The following ATXN7L1 variants were observed in gnomAD, a reference collection of about 807,000 sequenced individuals.
ATXN7L1 encodes the protein ataxin 7 like 1.
Under a neutral mutation model 70.8 loss-of-function variants are expected in ATXN7L1, and 15 were observed. That is an observed-to-expected ratio of 0.21 (90% CI 0.14 to 0.33). ATXN7L1 has a LOEUF of 0.33. ATXN7L1 is among the 10% of genes least tolerant of loss of function. The pLI, the probability that ATXN7L1 is intolerant of heterozygous loss-of-function variation, is 1.00. For synonymous variants in ATXN7L1, 440 were observed against 445.1 expected (o/e 0.99, Z 0.14); for missense variants, 975 against 1,097.1 (o/e 0.89, Z 1.57).
At chr7:105,661,569 G>A (rs1801614873) in intron 4 of ATXN7L1, among the ~76,000 whole-genome samples, 1 of 152,128 alleles carries the variant, frequency 6.6e-6, no homozygotes, top group Non-Finnish European at 1.5e-5. Flanking sequence ...TTAGAGGCAG[G>A]GCCCAGACTT....
chr7:105,774,793 T>G (rs772014139), intron 3 of ATXN7L1, among the ~76,000 whole-genome samples: 2 of 152,102 alleles, frequency 1.3e-5, no homozygotes, highest in African/African-American at 2.4e-5. Flanking sequence ...AGGCAGCCAC[T>G]TATAAAGATG....
At chr7:105,810,578 A>G (rs974971810) in intron 2 of ATXN7L1, among the ~76,000 whole-genome samples, 52 of 152,340 alleles carry the variant, frequency 3.4e-4, no homozygotes, top group African/African-American at 1.2e-3. Flanking sequence ...GTGAGGCTGG[A>G]GCACATCTAG....
In ATXN7L1 at chr7:105,766,691, G is replaced by A. The variant is rs145451282; in HGVS notation, c.355+21913C>T. Among the ~76,000 whole-genome samples the A allele has an allele frequency of 1.9e-3, 284 of 152,322 alleles. 2 individuals carry two copies. The highest frequency in any genetic ancestry group is 6.6e-3 in the African/African-American group (276 of 41,570). On this transcript the variant is annotated intron_variant, in intron 3 of 11. Transcript: ENST00000419735. ...TGACGGCTCCAAGGGAAACCGCTGG[G>A]ATTAGACGATCCTGTGTTTGGACAC...
chr7:105,614,456 G>T lies in ATXN7L1; in HGVS notation c.1878C>A (p.Ser626=). The T allele has an allele frequency of 6.5e-7, 1 of 1,540,578 alleles. No individual in the cohort carries two copies. The highest frequency in any genetic ancestry group is 8.8e-7 in the Non-Finnish European group (1 of 1,140,672). Reference sequence around the variant, plus strand: ...GGGTGGACAGGTCTTTGACTTTTGAGGATTTGCTGGTTTTGGTTTTGGATG... The same window carrying T: ...GGGTGGACAGGTCTTTGACTTTTGATGATTTGCTGGTTTTGGTTTTGGATG... ...HKPSKTKTSK[S]SKVKDLSTRS... is the part of the protein sequence containing the mutation. The change falls in exon 10 of 12, where the codon TCC becomes TCA. Residue 626 remains serine, a synonymous_variant. Coordinates refer to ENST00000419735, the MANE Select transcript of ATXN7L1 (RefSeq NM_020725.2). This position sits in a 1 kb window ranked among gnomAD's most constrained non-coding sequence, Gnocchi z 4.3.
intron 2 of ATXN7L1, among the ~76,000 whole-genome samples, chr7:105,834,949 C>G (rs1360310238): frequency 6.6e-6 from 1 of 151,794 alleles, no homozygotes; most frequent in Admixed American, 6.6e-5. Flanking sequence ...CAGTTTTTCC[C>G]AGGGCTAAAA....
chr7:105,794,436 C>T (rs901994479), intron 2 of ATXN7L1, among the ~76,000 whole-genome samples: 9 of 152,308 alleles, frequency 5.9e-5, no homozygotes, highest in Non-Finnish European at 1.2e-4. Context: ...CGATGGAAAT[C>T]GGCATCCACT....
chr7:105,692,956 G>A (rs758404538), intron 3 of ATXN7L1, among the ~76,000 whole-genome samples: 22 of 151,734 alleles, frequency 1.4e-4, no homozygotes, highest in Admixed American at 7.9e-4. Context: ...GGCCTCAAGC[G>A]ATCCTCCTGC....
At chr7:105,786,933 C>T (rs144554441) in intron 3 of ATXN7L1, among the ~76,000 whole-genome samples, 25 of 152,300 alleles carry the variant, frequency 1.6e-4, no homozygotes, top group African/African-American at 4.1e-4. Flanking sequence ...GTAGCCTCTG[C>T]GTTCTCACAA....
intron 3 of ATXN7L1, among the ~76,000 whole-genome samples, chr7:105,734,637 T>G (rs1019216505): frequency 7.5e-5 from 9 of 120,624 alleles, no homozygotes; most frequent in African/African-American, 2.6e-4. Flanking sequence ...TCCTTTCATG[T>G]TTTTTTTTTT....
intron 3 of ATXN7L1, among the ~76,000 whole-genome samples, chr7:105,730,397 T>A (rs571255373): frequency 6.0e-5 from 9 of 148,954 alleles, no homozygotes; most frequent in African/African-American, 2.0e-4. Context: ...CAAGTTTATT[T>A]AAAAAAAAAA....
At chr7:105,871,710 C>CAA (rs11350779) in intron 2 of ATXN7L1, among the ~76,000 whole-genome samples, 166 of 127,506 alleles carry the variant, frequency 1.3e-3, no homozygotes, top group African/African-American at 3.1e-3. Flanking sequence ...GATTCTGTCT[C>CAA]AAAAAAAAAA....
intron 3 of ATXN7L1, among the ~76,000 whole-genome samples, chr7:105,721,479 C>T (rs965733716): frequency 2.0e-5 from 3 of 152,192 alleles, no homozygotes; most frequent in African/African-American, 7.2e-5. Context: ...TCTGCGCAGG[C>T]CAGCTGGGGC....
intron 2 of ATXN7L1, among the ~76,000 whole-genome samples, chr7:105,796,888 T>C (rs1806070339): frequency 6.6e-6 from 1 of 152,146 alleles, no homozygotes; most frequent in Non-Finnish European, 1.5e-5. Flanking sequence ...CAAGTTGGTG[T>C]CTGAAAATGA....
At chr7:105,867,751 C>CTT in intron 2 of ATXN7L1, among the ~76,000 whole-genome samples, 1 of 152,328 alleles carries the variant, frequency 6.6e-6, no homozygotes, top group South Asian at 2.1e-4. Context: ...GTCTATTTTT[C>CTT]TTGTGTTCTT....
intron 2 of ATXN7L1, among the ~76,000 whole-genome samples, chr7:105,819,297 A>G (rs1207527337): frequency 1.3e-5 from 2 of 152,130 alleles, no homozygotes; most frequent in Non-Finnish European, 2.9e-5. Flanking sequence ...TCAAAGAGTG[A>G]TAGCCTCATA....
chr7:105,753,974 C>G (rs1018484183), intron 3 of ATXN7L1, among the ~76,000 whole-genome samples: 6 of 152,092 alleles, frequency 3.9e-5, no homozygotes, highest in African/African-American at 7.2e-5. Context: ...GCTCTGCCCC[C>G]CCAAAAGCCA....
At position 105,643,085 on chromosome 7, in the gene ATXN7L1, A is replaced by C; in HGVS notation, c.615T>G (p.Pro205=). ...TGGCACCATCTGCCTTCACTAGGTT[A>C]GGAATTTTCTCTAAACTGACTACAG... is the stretch of plus-strand genomic sequence containing the variant. ...PVPVVSLEKI[P]NLVKADGANV... Residue 205 remains proline, a synonymous_variant, in exon 5 of 12, where the codon CCT becomes CCG. Coordinates refer to ENST00000419735, the MANE Select transcript of ATXN7L1 (RefSeq NM_020725.2). The C allele has an allele frequency of 6.5e-7, 1 of 1,541,686 alleles. No individual in the cohort carries two copies. The highest frequency in any genetic ancestry group is 8.8e-7 in the Non-Finnish European group (1 of 1,140,378).
intron 2 of ATXN7L1, among the ~76,000 whole-genome samples, chr7:105,792,815 C>T (rs115425504): frequency 1.3e-5 from 2 of 152,180 alleles, no homozygotes; most frequent in Admixed American, 6.5e-5. Context: ...TGGTACACCA[C>T]TGAATAAAAA....
At chr7:105,688,497 C>G (rs1286000404) in intron 3 of ATXN7L1, among the ~76,000 whole-genome samples, 6 of 151,772 alleles carry the variant, frequency 4.0e-5, no homozygotes, top group Admixed American at 3.9e-4. Context: ...GAGCCGTGAT[C>G]GTGCCACTGC....
Sources: allele counts gnomAD v4.1 joint callset (sites outside exome capture counted in the v4.1 genomes callset), GRCh38; gene constraint gnomAD v4.1.1; non-coding constraint Gnocchi (gnomAD v3.1); transcripts MANE v1.5; gene names NCBI Gene and HGNC (gene_info 2026-07-23, HGNC 2026-07-21).